Variants in FAM114A1 observed in about 807,000 individuals in gnomAD.
FAM114A1 encodes protein NOXP20.
A neutral mutation model predicts 64.3 loss-of-function variants in FAM114A1; 62 were observed. The observed-to-expected ratio is 0.96, with a 90% CI of 0.79 to 1.19. The LOEUF (loss-of-function observed/expected upper bound fraction) is 1.19. Ranked by LOEUF, FAM114A1 falls within the 50% of genes most tolerant of loss-of-function variation. FAM114A1 has a pLI of 0.00. For missense variants in FAM114A1, 645 were observed against 676.3 expected (o/e 0.95, Z 0.51); for synonymous variants, 254 against 251.1 (o/e 1.01, Z -0.11).
intron 6 of FAM114A1, among the ~76,000 whole-genome samples, chr4:38,908,153 C>T (rs1718196140): frequency 6.6e-6 from 1 of 152,164 alleles, no homozygotes; most frequent in Admixed American, 6.5e-5. Context: ...GACTGTTTGA[C>T]ATTTTAATAG....
At chr4:38,924,694 G>A (rs28562966) in intron 9 of FAM114A1, among the ~76,000 whole-genome samples, 29,312 of 152,106 alleles carry the variant, frequency 0.19, 3,072 homozygotes, top group Middle Eastern at 0.3. Flanking sequence ...TGTTCCTCCC[G>A]GAGTCACAAA....
intron 8 of FAM114A1, among the ~76,000 whole-genome samples, chr4:38,920,406 G>A (rs1457582245): frequency 6.6e-6 from 1 of 152,160 alleles, no homozygotes; most frequent in Non-Finnish European, 1.5e-5. Context: ...AAATACTTAT[G>A]GAGAAGTGTG....
At chr4:38,923,316 C>T (rs1468787905) in intron 9 of FAM114A1, among the ~76,000 whole-genome samples, 2 of 151,482 alleles carry the variant, frequency 1.3e-5, no homozygotes. Context: ...CTCCACCTCC[C>T]GGGTTCAAGT....
At position 38,887,277 on chromosome 4, in the gene FAM114A1, A is replaced by G. The variant is rs532336935; in HGVS notation, c.349-4466A>G. ...AACCCAATCCTTAGGCTTCACGTGAATCTCACAAATCTCACTGTTTAGAAG... is the reference window on the plus strand; with the variant it reads ...AACCCAATCCTTAGGCTTCACGTGAGTCTCACAAATCTCACTGTTTAGAAG... On this transcript the variant is annotated intron_variant, in intron 3 of 14. Transcript: ENST00000358869. 2.6e-5 allele frequency among the ~76,000 whole-genome samples: 4 copies of G among 152,332 alleles called. No homozygotes were observed. The South Asian group carries it at 8.3e-4, about 32-fold the overall frequency.
rs138478910 is a variant in FAM114A1, at chr4:38,912,369, C to T, written c.793-2552C>T. Among the ~76,000 whole-genome samples, 721 of 152,012 alleles carry T rather than the reference C, an allele frequency of 4.7e-3. 10 individuals carry two copies. The highest frequency in any genetic ancestry group is 0.017 in the African/African-American group (694 of 41,462). On this transcript the variant is annotated intron_variant, in intron 7 of 14. Transcript: ENST00000358869. ...TATCCCTCAGGCAGCTTTAATTTCA[C>T]TCCCCAGTTGTGTTTTGTTTGTTTG...
At chr4:38,892,228 A>G (rs1474835941) in intron 4 of FAM114A1, among the ~76,000 whole-genome samples, 3 of 152,168 alleles carry the variant, frequency 2.0e-5, no homozygotes, top group African/African-American at 7.2e-5. Flanking sequence ...CAACGCATCT[A>G]CTCCCAAAAA....
intron 4 of FAM114A1, among the ~76,000 whole-genome samples, chr4:38,892,885 C>T (rs139315247): frequency 1.4e-4 from 21 of 152,372 alleles, no homozygotes; most frequent in Admixed American, 5.9e-4. Context: ...AGAGCTTAGG[C>T]TGCCTGGAAG....
At chr4:38,879,335 T>C (rs1172883156) in intron 3 of FAM114A1, among the ~76,000 whole-genome samples, 1 of 152,160 alleles carries the variant, frequency 6.6e-6, no homozygotes, top group Non-Finnish European at 1.5e-5. Flanking sequence ...CTCTGCAGCA[T>C]GATGTGAGGG....
rs7686863 is a variant in FAM114A1, at chr4:38,868,288, G to A, written c.-157-110G>A. On this transcript the variant is annotated intron_variant, in intron 1 of 14. Coordinates refer to ENST00000358869, the MANE Select transcript of FAM114A1 (RefSeq NM_138389.4). ...CCCAGCCCGGGCACGAAGGGAGCAG[G>A]TCCCTGTAAGACAGAGGCCTCGTCC... The A allele has an allele frequency of 6.8e-3, 1,064 of 156,508 alleles. 15 individuals carry two copies. The highest frequency in any genetic ancestry group is 0.024 in the African/African-American group (1,012 of 41,580). 9.7% of individuals were successfully genotyped at this position (156,508 alleles called of 1,614,324 possible).
At chr4:38,943,354 T>G in intron 14 of FAM114A1, 102 bp from the exon 15 acceptor site, 8 of 737,774 alleles carry the variant, frequency 1.1e-5, no homozygotes, top group Non-Finnish European at 1.7e-5. Context: ...TATAATCCAA[T>G]ATGGGGGGTG....
At chr4:38,919,540 C>A (rs981217807) in intron 8 of FAM114A1, among the ~76,000 whole-genome samples, 3 of 152,174 alleles carry the variant, frequency 2.0e-5, no homozygotes, top group Non-Finnish European at 4.4e-5. Flanking sequence ...CTTTGGTGAC[C>A]TGGAGAGTAT....
At chr4:38,877,453 T>C (rs1714750559) in intron 2 of FAM114A1, among the ~76,000 whole-genome samples, 1 of 151,976 alleles carries the variant, frequency 6.6e-6, no homozygotes, top group Non-Finnish European at 1.5e-5. Context: ...GGGTTCATGC[T>C]CCTATGAGAA....
At chr4:38,926,549 G>T (rs935061018) in intron 9 of FAM114A1, among the ~76,000 whole-genome samples, 1 of 151,356 alleles carries the variant, frequency 6.6e-6, no homozygotes, top group Admixed American at 6.6e-5. Context: ...CCGCCCTCCC[G>T]GGTTCAAGTG....
intron 7 of FAM114A1, among the ~76,000 whole-genome samples, chr4:38,912,671 C>T (rs143104239): frequency 9.9e-5 from 15 of 152,268 alleles, no homozygotes; most frequent in African/African-American, 2.6e-4. Context: ...CGTGAGCCAC[C>T]GCGCCTGGCC....
chr4:38,896,497 A>G (rs1036260072), intron 4 of FAM114A1, among the ~76,000 whole-genome samples: 1 of 152,250 alleles, frequency 6.6e-6, no homozygotes, highest in Non-Finnish European at 1.5e-5. Flanking sequence ...GCTGGAAACA[A>G]GCACTGGTGG....
intron 7 of FAM114A1, among the ~76,000 whole-genome samples, chr4:38,911,844 C>CTTTTTTTTTTTTTT: frequency 8.7e-6 from 1 of 115,192 alleles, no homozygotes; most frequent in South Asian, 3.3e-4. Flanking sequence ...TTTTTTTTTT[C>CTTTTTTTTTTTTTT]TTTTTTTTTC....
chr4:38,908,828 C>A, intron 7 of FAM114A1, 102 bp downstream of exon 7: 1 of 1,149,682 alleles, frequency 8.7e-7, no homozygotes, highest in Non-Finnish European at 1.2e-6. Flanking sequence ...TGATTCAAAT[C>A]AAATGACACC....
intron 2 of FAM114A1, among the ~76,000 whole-genome samples, chr4:38,868,845 G>A (rs1713734530): frequency 6.6e-6 from 1 of 152,038 alleles, no homozygotes; most frequent in African/African-American, 2.4e-5. Context: ...ATAGGCCTGC[G>A]TCCCCGCCCT....
chr4:38,879,316 T>C (rs1714977266), intron 3 of FAM114A1, among the ~76,000 whole-genome samples: 1 of 152,144 alleles, frequency 6.6e-6, no homozygotes, highest in Non-Finnish European at 1.5e-5. Context: ...GATCACCCCC[T>C]TGAGGTGACT....
Sources: allele counts gnomAD v4.1 joint callset (sites outside exome capture counted in the v4.1 genomes callset), GRCh38; gene constraint gnomAD v4.1.1; transcripts MANE v1.5; gene names NCBI Gene and HGNC (gene_info 2026-07-23, HGNC 2026-07-21).